The following NRG1 variants were observed in gnomAD, a reference collection of about 807,000 sequenced individuals.
NRG1 encodes neuregulin 1, also known as pro-neuregulin-1, membrane-bound isoform.
NRG1 carries 18 observed loss-of-function variants against 63.8 expected under a neutral mutation model. The observed-to-expected ratio is 0.28, with a 90% CI of 0.19 to 0.42. The LOEUF (loss-of-function observed/expected upper bound fraction) is 0.42. Among genes scored for constraint, NRG1 ranks in the 10% least tolerant of loss-of-function variants. The pLI is 1.00. For synonymous variants in NRG1, 302 were observed against 301.3 expected (o/e 1.00, Z -0.02); for missense variants, 762 against 814.7 (o/e 0.94, Z 0.79).
intron 1 of NRG1, among the ~76,000 whole-genome samples, chr8:32,072,597 T>C (rs1825915687): frequency 6.6e-6 from 1 of 152,204 alleles, no homozygotes; most frequent in African/African-American, 2.4e-5. Flanking sequence ...TAGATAAAAA[T>C]AAATTAGTAA....
chr8:32,339,561 T>C (rs1696256109), intron 1 of NRG1, among the ~76,000 whole-genome samples: 1 of 152,210 alleles, frequency 6.6e-6, no homozygotes, highest in Non-Finnish European at 1.5e-5. Flanking sequence ...GGAATGATCA[T>C]AGTTACAACA....
At chr8:31,920,659 A>T (rs948563369) in intron 1 of NRG1, among the ~76,000 whole-genome samples, 1 of 152,128 alleles carries the variant, frequency 6.6e-6, no homozygotes, top group East Asian at 1.9e-4. Context: ...AGGCTCTGGT[A>T]CTCACTATCT....
chr8:32,170,372 G>A (rs1839900910), intron 1 of NRG1, among the ~76,000 whole-genome samples: 1 of 152,198 alleles, frequency 6.6e-6, no homozygotes, highest in Admixed American at 6.5e-5. Context: ...TTTTCTGAAA[G>A]CCTGTCAGAT....
intron 1 of NRG1, among the ~76,000 whole-genome samples, chr8:31,971,260 C>G (rs1807230991): frequency 6.6e-6 from 1 of 152,030 alleles, no homozygotes; most frequent in Non-Finnish European, 1.5e-5. Flanking sequence ...TTTCAAAGAG[C>G]AAAAATTCTT....
intron 1 of NRG1, among the ~76,000 whole-genome samples, chr8:31,866,059 A>T (rs1286540862): frequency 6.6e-6 from 1 of 152,102 alleles, no homozygotes; most frequent in African/African-American, 2.4e-5. Context: ...TTTTTCTCAA[A>T]GATTCCTGCC....
chr8:31,666,825 G>T (rs1806593839), intron 1 of NRG1, among the ~76,000 whole-genome samples: 2 of 152,226 alleles, frequency 1.3e-5, no homozygotes. Flanking sequence ...TTTCTGGCAG[G>T]TATGAGGGTA....
rs1216272344 is a variant in NRG1, at chr8:31,751,971, A to C, written c.37+112540A>C. Among the ~76,000 whole-genome samples, 3 of 151,938 alleles carry C rather than the reference A, an allele frequency of 2.0e-5. No homozygotes were observed. In the East Asian group the frequency reaches 5.8e-4, roughly 29 times the overall value. ...GCATGGATCACCTATTTGGTTTTGAACATGTATTTGCCATTCCTGTGACTC... is the reference window on the plus strand; with the variant it reads ...GCATGGATCACCTATTTGGTTTTGACCATGTATTTGCCATTCCTGTGACTC... On this transcript the variant is annotated intron_variant, in intron 1 of 10. Coordinates refer to the NRG1 transcript ENST00000519301.
chr8:31,655,959 G>A (rs1027838899), intron 1 of NRG1, among the ~76,000 whole-genome samples: 4 of 152,200 alleles, frequency 2.6e-5, no homozygotes, highest in Non-Finnish European at 5.9e-5. Flanking sequence ...TGCAGGAGAA[G>A]AAGCCCTTGT....
At chr8:31,883,114 T>G (rs1830474000) in intron 1 of NRG1, among the ~76,000 whole-genome samples, 1 of 152,032 alleles carries the variant, frequency 6.6e-6, no homozygotes, top group Non-Finnish European at 1.5e-5. Context: ...CAAATTTCAT[T>G]GTTGTCTTTA....
intron 1 of NRG1, among the ~76,000 whole-genome samples, chr8:32,292,245 C>A (rs1220750671): frequency 2.0e-5 from 3 of 152,118 alleles, no homozygotes; most frequent in Admixed American, 2.0e-4. Context: ...CCTATTCAAT[C>A]CTTTCAAAAG....
rs146437029 is a variant in NRG1 at position 32,109,474 on chromosome 8, G to A, written c.37+470043G>A. ...ACCCAGCATCACTCAGCTGGTAGGTGGTAAAACTGAGAAGAGAATCCATGT... is the reference window on the plus strand; with the variant it reads ...ACCCAGCATCACTCAGCTGGTAGGTAGTAAAACTGAGAAGAGAATCCATGT... On this transcript the variant is annotated intron_variant, in intron 1 of 10. Coordinates refer to the NRG1 transcript ENST00000519301. 3.2e-3 allele frequency among the ~76,000 whole-genome samples: 494 copies of A among 152,304 alleles called. 4 individuals carry two copies. The highest frequency in any genetic ancestry group is 0.023 in the South Asian group (112 of 4,824).
At chr8:32,085,841 A>C (rs1290487995) in intron 1 of NRG1, among the ~76,000 whole-genome samples, 1 of 152,228 alleles carries the variant, frequency 6.6e-6, no homozygotes, top group Non-Finnish European at 1.5e-5. Flanking sequence ...CCAGGCCAGA[A>C]GTCTGAAGTC....
At chr8:31,789,505 C>T (rs1820487141) in intron 1 of NRG1, among the ~76,000 whole-genome samples, 1 of 152,032 alleles carries the variant, frequency 6.6e-6, no homozygotes, top group Non-Finnish European at 1.5e-5. Flanking sequence ...AGAGCTGTCA[C>T]ACGTGGAGGA....
chr8:31,900,878 A>G (rs998368537), intron 1 of NRG1, among the ~76,000 whole-genome samples: 2 of 152,222 alleles, frequency 1.3e-5, no homozygotes, highest in African/African-American at 4.8e-5. Flanking sequence ...AGATAAGAGC[A>G]ACTGGCAGTA....
chr8:32,709,430 A>C (rs1476036998), intron 5 of NRG1, among the ~76,000 whole-genome samples: 3 of 151,454 alleles, frequency 2.0e-5, no homozygotes, highest in Non-Finnish European at 4.4e-5. Flanking sequence ...TTTTATTTTT[A>C]TTTTTTTGAA....
At chr8:32,004,324 G>T (rs760712891) in intron 1 of NRG1, among the ~76,000 whole-genome samples, 5 of 151,808 alleles carry the variant, frequency 3.3e-5, no homozygotes, top group Non-Finnish European at 7.4e-5. Flanking sequence ...CTGTTATGGT[G>T]GATACATTGC....
intron 1 of NRG1, among the ~76,000 whole-genome samples, chr8:32,075,024 T>A (rs1234908109): frequency 6.6e-6 from 1 of 152,234 alleles, no homozygotes. Flanking sequence ...TTTCCTCATA[T>A]GTAAAAAAGA....
chr8:31,999,848 A>C (rs1228458371), intron 1 of NRG1, among the ~76,000 whole-genome samples: 2 of 152,040 alleles, frequency 1.3e-5, no homozygotes, highest in African/African-American at 4.8e-5. Flanking sequence ...ATAAACAGCT[A>C]TGGGAACAAA....
At chr8:31,712,823 C>T (rs1013173606) in intron 1 of NRG1, among the ~76,000 whole-genome samples, 2 of 152,118 alleles carry the variant, frequency 1.3e-5, no homozygotes, top group Non-Finnish European at 2.9e-5. Flanking sequence ...GTGGGAAGAT[C>T]TAGGCAGTCT....
Sources: gnomAD v4.1 joint callset for allele counts (sites outside exome capture counted in the v4.1 genomes callset) on GRCh38, gnomAD v4.1.1 for gene constraint, MANE v1.5 for transcripts, NCBI Gene and HGNC (gene_info 2026-07-23, HGNC 2026-07-21) for gene names.